The following EXOC6 variants were observed in gnomAD, a reference collection of about 807,000 sequenced individuals.
EXOC6 encodes the protein exocyst complex component 6.
EXOC6 carries 60 observed loss-of-function variants against 112.5 expected under a neutral mutation model. That is an observed-to-expected ratio of 0.53 (90% CI 0.43 to 0.66). The LOEUF (loss-of-function observed/expected upper bound fraction) is 0.66, where lower values mean the gene tolerates loss of function less well. Ranked by LOEUF, EXOC6 falls within the 30% of genes least tolerant of loss-of-function variation. The probability of loss-of-function intolerance (pLI) is 0.00; values close to 1 mark genes in which losing one functional copy is unlikely to be tolerated. For synonymous variants in EXOC6, 295 were observed against 308.0 expected (o/e 0.96, Z 0.44); for missense variants, 855 against 957.1 (o/e 0.89, Z 1.41).
intron 1 of EXOC6, among the ~76,000 whole-genome samples, chr10:92,881,105 C>G (rs1848939524): frequency 6.6e-6 from 1 of 152,066 alleles, no homozygotes; most frequent in Admixed American, 6.6e-5. Context: ...GACTAGACAG[C>G]CAAGATGGCT....
chr10:93,059,047 C>T lies in EXOC6; in HGVS notation c.*692C>T, dbSNP rs1846667094. 6.6e-6 allele frequency: 1 copy of T among 152,134 alleles called. No individual in the cohort carries two copies. The highest frequency in any genetic ancestry group is 6.5e-5 in the Admixed American group (1 of 15,270). The allele number at this position is 152,134 out of a possible 1,614,324, so 9.4% of individuals were successfully genotyped here. On this transcript the variant is annotated 3_prime_UTR_variant, in exon 22 of 22. Transcript: ENST00000260762. Reference sequence around the variant, plus strand: ...CTAACTATATTGCTTGTAGGTGACCCCATTCTGGATTTGTTTGGTTTGGTT... The same window carrying T: ...CTAACTATATTGCTTGTAGGTGACCTCATTCTGGATTTGTTTGGTTTGGTT...
intron 1 of EXOC6, among the ~76,000 whole-genome samples, chr10:92,881,902 A>G (rs544812489): frequency 1.8e-3 from 267 of 152,180 alleles, no homozygotes; most frequent in Non-Finnish European, 1.0e-4. Flanking sequence ...GTGAAGAAGA[A>G]CACGTTGGCC....
chr10:92,893,900 T>C (rs1849625894), intron 2 of EXOC6, among the ~76,000 whole-genome samples: 2 of 152,222 alleles, frequency 1.3e-5, no homozygotes, highest in Non-Finnish European at 2.9e-5. Flanking sequence ...GTTCTCAGCA[T>C]TATTTAATAA....
chr10:92,897,679 C>T (rs572723329), intron 4 of EXOC6, among the ~76,000 whole-genome samples: 3 of 152,298 alleles, frequency 2.0e-5, no homozygotes, highest in Admixed American at 6.5e-5. Context: ...TATCTGATTG[C>T]TTCCTCTGCC....
intron 20 of EXOC6, among the ~76,000 whole-genome samples, chr10:93,027,474 C>T (rs1193322288): frequency 3.9e-5 from 6 of 152,180 alleles, no homozygotes; most frequent in Non-Finnish European, 8.8e-5. Context: ...ACTTTCATAA[C>T]TAGAGAAGAG....
chr10:92,908,067 T>TTC (rs1850541723), intron 5 of EXOC6, among the ~76,000 whole-genome samples: 1 of 148,450 alleles, frequency 6.7e-6, no homozygotes, highest in African/African-American at 2.5e-5. Context: ...CTTTTTTTTT[T>TTC]TTTTTTTTTT....
intron 4 of EXOC6, among the ~76,000 whole-genome samples, chr10:92,896,188 T>A (rs1227403519): frequency 4.6e-4 from 6 of 13,008 alleles, no homozygotes; most frequent in Admixed American, 1.3e-3. Flanking sequence ...TATATTTTTT[T>A]TTTTTTTTTT....
intron 12 of EXOC6, among the ~76,000 whole-genome samples, chr10:92,938,882 G>A (rs1421216900): frequency 6.6e-6 from 1 of 152,128 alleles, no homozygotes; most frequent in Non-Finnish European, 1.5e-5. Context: ...TAGGAGTTGA[G>A]GAAGGCTATA....
At chr10:92,860,553 G>A (rs1017506979) in intron 1 of EXOC6, among the ~76,000 whole-genome samples, 3 of 151,952 alleles carry the variant, frequency 2.0e-5, no homozygotes, top group East Asian at 1.9e-4. Context: ...GAGCCACTGC[G>A]CCTGGCTCTC....
upstream of EXOC6, chr10:92,831,407 T>A: frequency 4.9e-6 from 5 of 1,025,370 alleles, no homozygotes; most frequent in Non-Finnish European, 6.7e-6. Flanking sequence ...TAGAGTATAG[T>A]ATTCTTCTAT....
intron 1 of EXOC6, among the ~76,000 whole-genome samples, chr10:92,891,299 G>A (rs1849486850): frequency 6.6e-6 from 1 of 152,150 alleles, no homozygotes; most frequent in African/African-American, 2.4e-5. Context: ...GCAGGTGTCA[G>A]TGTGCTTATG....
intron 1 of EXOC6, among the ~76,000 whole-genome samples, chr10:92,837,445 A>C (rs1462628324): frequency 6.6e-6 from 1 of 152,152 alleles, no homozygotes; most frequent in Admixed American, 6.6e-5. Flanking sequence ...CTGAGGTGGG[A>C]GATCGCTTGA....
At chr10:93,041,944 C>T (rs1845800382) in intron 20 of EXOC6, among the ~76,000 whole-genome samples, 1 of 152,072 alleles carries the variant, frequency 6.6e-6, no homozygotes, top group Admixed American at 6.5e-5. Flanking sequence ...CTGCTGATCT[C>T]AAGTGATCCA....
chr10:92,987,675 A>G (rs780878273), intron 18 of EXOC6: 2 of 955,370 alleles, frequency 2.1e-6, no homozygotes, highest in Non-Finnish European at 1.2e-6. Flanking sequence ...TAGCATGTAC[A>G]TTAGAAAATA....
intron 1 of EXOC6, among the ~76,000 whole-genome samples, chr10:92,884,924 A>G (rs570492000): frequency 7.9e-5 from 12 of 152,194 alleles, no homozygotes; most frequent in Non-Finnish European, 1.5e-4. Flanking sequence ...TCATTTATTT[A>G]CAGAATATAG....
chr10:92,834,923 T>A, intron 1 of EXOC6: 1 of 640,638 alleles, frequency 1.6e-6, no homozygotes, highest in Non-Finnish European at 2.7e-6. Context: ...AAAATATTCT[T>A]GCAAAACAGT....
chr10:93,040,468 T>G (rs1346926141), intron 20 of EXOC6, among the ~76,000 whole-genome samples: 1 of 152,138 alleles, frequency 6.6e-6, no homozygotes, highest in African/African-American at 2.4e-5. Flanking sequence ...AGGATGGTCT[T>G]GATCTCCTGA....
At chr10:92,948,671 G>A (rs1853207255) in intron 14 of EXOC6, among the ~76,000 whole-genome samples, 1 of 151,732 alleles carries the variant, frequency 6.6e-6, no homozygotes, top group Non-Finnish European at 1.5e-5. Flanking sequence ...ACTAGAAGTA[G>A]TTGCCCCAAA....
chr10:92,834,014 T>G (rs1050976712), upstream of EXOC6, among the ~76,000 whole-genome samples: 7 of 152,062 alleles, frequency 4.6e-5, no homozygotes, highest in African/African-American at 1.7e-4. Flanking sequence ...TCTAGCAAAC[T>G]CATTCACAGT....
Sources: allele counts gnomAD v4.1 joint callset (sites outside exome capture counted in the v4.1 genomes callset), GRCh38; gene constraint gnomAD v4.1.1; transcripts MANE v1.5; gene names NCBI Gene and HGNC (gene_info 2026-07-23, HGNC 2026-07-21).